ASB7: variants seen among roughly 807,000 people sequenced by gnomAD.
The protein encoded by ASB7 is ankyrin repeat and SOCS box protein 7.
In ASB7, 4 loss-of-function variants were observed where a neutral mutation model predicts 32.5. The observed-to-expected ratio is 0.12, with a 90% CI of 0.06 to 0.28. The LOEUF (loss-of-function observed/expected upper bound fraction) is 0.28, where lower values mean the gene tolerates loss of function less well. Among genes scored for constraint, ASB7 ranks in the 10% least tolerant of loss-of-function variants. The probability of loss-of-function intolerance (pLI) is 1.00; values close to 1 mark genes in which losing one functional copy is unlikely to be tolerated. For missense variants in ASB7, 181 were observed against 407.1 expected (o/e 0.44, Z 4.78); for synonymous variants, 172 against 155.6 (o/e 1.11, Z -0.78).
At chr15:100,640,584 C>T (rs1486592317) in intron 5 of ASB7, among the ~76,000 whole-genome samples, 1 of 152,148 alleles carries the variant, frequency 6.6e-6, no homozygotes, top group African/African-American at 2.4e-5. Context: ...TCACTTCTTC[C>T]TTTGTGCCTC....
intron 2 of ASB7, among the ~76,000 whole-genome samples, chr15:100,605,587 A>G (rs1260645055): frequency 6.6e-6 from 1 of 152,182 alleles, no homozygotes; most frequent in Non-Finnish European, 1.5e-5. Flanking sequence ...CCATCCCTAA[A>G]AAGTCTAAAG....
At chr15:100,646,289 G>A (rs1178978505) in intron 5 of ASB7, 3 of 389,162 alleles carry the variant, frequency 7.7e-6, no homozygotes, top group East Asian at 1.2e-4. Flanking sequence ...GACCAGATTC[G>A]AGAAGTCTCA....
chr15:100,617,696 T>C (rs2039755409), intron 4 of ASB7, among the ~76,000 whole-genome samples: 1 of 152,258 alleles, frequency 6.6e-6, no homozygotes, highest in Admixed American at 6.5e-5. Context: ...TGTACTTTTT[T>C]ATTATTACAG....
At chr15:100,637,966 T>C (rs1293152786) in intron 5 of ASB7, among the ~76,000 whole-genome samples, 1 of 151,920 alleles carries the variant, frequency 6.6e-6, no homozygotes, top group Non-Finnish European at 1.5e-5. Flanking sequence ...TTTTTTTTTT[T>C]TTACATAAAA....
chr15:100,619,569 G>T (rs988056756), intron 4 of ASB7, among the ~76,000 whole-genome samples: 1 of 152,190 alleles, frequency 6.6e-6, no homozygotes, highest in Admixed American at 6.5e-5. Context: ...GAGCAGGAGG[G>T]AAGCTAGCCA....
intron 4 of ASB7, among the ~76,000 whole-genome samples, chr15:100,625,358 A>G (rs1341211703): frequency 6.6e-6 from 1 of 152,234 alleles, no homozygotes; most frequent in Non-Finnish European, 1.5e-5. Flanking sequence ...TTCTAGAACT[A>G]AAAGTGATTT....
At chr15:100,623,296 G>A (rs2039809280) in intron 4 of ASB7, among the ~76,000 whole-genome samples, 1 of 152,168 alleles carries the variant, frequency 6.6e-6, no homozygotes, top group Admixed American at 6.5e-5. Context: ...CCAGCTACTT[G>A]GGAGGCTGAG....
rs1216185133 is a variant in ASB7 at position 100,649,229 on chromosome 15, G to A, written c.*767G>A. 6.6e-6 allele frequency: 1 copy of A among 152,328 alleles called. No individual in the cohort carries two copies. Among genetic ancestry groups the A allele is most frequent in the Non-Finnish European group, 1.5e-5 (1 of 68,032 alleles). The allele number at this position is 152,328 out of a possible 1,614,324, so 9.4% of individuals were successfully genotyped here. On this transcript the variant is annotated 3_prime_UTR_variant, in exon 6 of 6. Coordinates refer to ENST00000332783, the MANE Select transcript of ASB7 (RefSeq NM_198243.3). ...CAGTGTATTCTGTTTTTAAAACTGTGCCTGCAGTGCAATACTCCTTCTGGT... is the reference window on the plus strand; with the variant it reads ...CAGTGTATTCTGTTTTTAAAACTGTACCTGCAGTGCAATACTCCTTCTGGT...
intron 4 of ASB7, among the ~76,000 whole-genome samples, chr15:100,624,416 C>T (rs2039820034): frequency 6.6e-6 from 1 of 152,066 alleles, no homozygotes; most frequent in African/African-American, 2.4e-5. Context: ...CTCACATATA[C>T]CCAGTAAACA....
At chr15:100,626,442 G>C (rs2141397878) in intron 4 of ASB7, among the ~76,000 whole-genome samples, 1 of 152,284 alleles carries the variant, frequency 6.6e-6, no homozygotes, top group East Asian at 1.9e-4. Flanking sequence ...AAATTAAAAT[G>C]ACTAATGATA....
chr15:100,624,178 A>G (rs1035260472), intron 4 of ASB7, among the ~76,000 whole-genome samples: 34 of 152,196 alleles, frequency 2.2e-4, no homozygotes, highest in Admixed American at 1.1e-3. Context: ...AGGAGGAGAT[A>G]AAGAGAGGTT....
intron 4 of ASB7, among the ~76,000 whole-genome samples, chr15:100,621,952 T>G (rs576807864): frequency 6.6e-6 from 1 of 151,194 alleles, no homozygotes; most frequent in Non-Finnish European, 1.5e-5. Context: ...GCCAGAGCAG[T>G]CAAGCAAGAG....
In ASB7 at chr15:100,629,965, G is replaced by A; in HGVS notation, c.740G>A (p.Gly247Glu). 6.2e-7 allele frequency: 1 copy of A among 1,614,148 alleles called. No individual in the cohort carries two copies. The highest frequency in any genetic ancestry group is 8.5e-7 in the Non-Finnish European group (1 of 1,180,006). Residue 247 changes from glycine (G) to glutamate (E), a missense_variant, in exon 5 of 6, where the codon GGA becomes GAA. By Grantham distance (98) the Gly-to-Glu change is moderately conservative. Transcript: ENST00000332783. This position sits in a 1 kb window ranked among gnomAD's most constrained non-coding sequence, Gnocchi z 6.8. ...GACACGAACACACGGAACTATGAAG[G>A]ACAGACCCCATTGGCTGTTTCAATA... is the stretch of plus-strand genomic sequence containing the variant. ...GADTNTRNYE[G>E]QTPLAVSISI...
In ASB7 at chr15:100,643,234, A is replaced by G. The variant is rs2039973329; in HGVS notation, c.818-5089A>G. Among the ~76,000 whole-genome samples the G allele has an allele frequency of 3.9e-5, 6 of 152,166 alleles. No homozygotes were observed. In the South Asian group the frequency reaches 1.2e-3, roughly 32 times the overall value. ...CCAAGAGTCTGGCAAAAGCTGCATC[A>G]CCTTTTATGACTTAGCCTTGGAAGT... On this transcript the variant is annotated intron_variant, in intron 5 of 5. Transcript: ENST00000332783.
rs2040032850 is a variant in ASB7 at position 100,651,583 on chromosome 15, C to A, written c.*3121C>A. On this transcript the variant is annotated 3_prime_UTR_variant, in exon 6 of 6. Coordinates refer to ENST00000332783, the MANE Select transcript of ASB7 (RefSeq NM_198243.3). The stretch of plus-strand genomic sequence containing the variant: ...TGATTGGGATAAGGCCATTTGCCCA[C>A]AAATTTAGCTTTCATGTAACTCCTA... 1 of 152,174 alleles carries A rather than the reference C, an allele frequency of 6.6e-6. No homozygotes were observed. Among genetic ancestry groups the A allele is most frequent in the African/African-American group, 2.4e-5 (1 of 41,436 alleles). 9.4% of individuals were successfully genotyped at this position (152,174 alleles called of 1,614,324 possible). A position where few individuals can be genotyped will look rare whatever the true frequency, so the allele number is the denominator to read the frequency against.
At chr15:100,622,599 A>G (rs1037727642) in intron 4 of ASB7, among the ~76,000 whole-genome samples, 1 of 152,218 alleles carries the variant, frequency 6.6e-6, no homozygotes, top group Non-Finnish European at 1.5e-5. Flanking sequence ...GTATTGACCT[A>G]AAAACAGACA....
intron 5 of ASB7, among the ~76,000 whole-genome samples, chr15:100,639,134 G>C (rs1178145741): frequency 6.6e-6 from 1 of 152,134 alleles, no homozygotes; most frequent in Non-Finnish European, 1.5e-5. Flanking sequence ...ATTTTGATTT[G>C]TATGTTTTAA....
intron 5 of ASB7, among the ~76,000 whole-genome samples, chr15:100,645,241 G>A (rs1335025415): frequency 1.3e-5 from 2 of 151,920 alleles, no homozygotes; most frequent in African/African-American, 4.8e-5. Context: ...TTATAAACAC[G>A]AACTTTTGTA....
At chr15:100,607,893 A>G (rs1050493930) in intron 2 of ASB7, among the ~76,000 whole-genome samples, 4 of 152,192 alleles carry the variant, frequency 2.6e-5, no homozygotes, top group East Asian at 3.8e-4. Context: ...CCTTTTCTTG[A>G]TATTGTTAAT....
Sources: gnomAD v4.1 joint callset for allele counts (sites outside exome capture counted in the v4.1 genomes callset) on GRCh38, gnomAD v4.1.1 for gene constraint, Gnocchi (gnomAD v3.1) non-coding constraint, MANE v1.5 for transcripts, NCBI Gene and HGNC (gene_info 2026-07-23, HGNC 2026-07-21) for gene names.